CNTNAP5: variants seen among roughly 807,000 people sequenced by gnomAD.
The protein encoded by CNTNAP5 is contactin associated protein family member 5, also known as contactin-associated protein-like 5.
CNTNAP5 carries 72 observed loss-of-function variants against 150.2 expected under a neutral mutation model. That is an observed-to-expected ratio of 0.48 (90% confidence interval 0.40 to 0.58). The LOEUF (loss-of-function observed/expected upper bound fraction) is 0.58, where lower values mean the gene tolerates loss of function less well. Ranked by LOEUF, CNTNAP5 falls within the 20% of genes least tolerant of loss-of-function variation. The pLI, the probability that CNTNAP5 is intolerant of heterozygous loss-of-function variation, is 0.00. For synonymous variants in CNTNAP5, 672 were observed against 619.8 expected (o/e 1.08, Z -1.25); for missense variants, 1,636 against 1,626.2 (o/e 1.01, Z -0.10).
chr2:124,126,130 GT>G, intron 1 of CNTNAP5, among the ~76,000 whole-genome samples: 1 of 152,226 alleles, frequency 6.6e-6, no homozygotes, highest in Non-Finnish European at 1.5e-5. Flanking sequence ...TCAGGAGCTG[GT>G]TTTTTGAAAA....
intron 10 of CNTNAP5, among the ~76,000 whole-genome samples, chr2:124,558,915 C>T (rs539209766): frequency 6.6e-6 from 1 of 152,220 alleles, no homozygotes; most frequent in South Asian, 2.1e-4. Flanking sequence ...ATGTCTGTCT[C>T]TAGTCTACCT....
chr2:124,575,480 A>T (rs769711010), intron 11 of CNTNAP5, among the ~76,000 whole-genome samples: 1 of 152,144 alleles, frequency 6.6e-6, no homozygotes, highest in Non-Finnish European at 1.5e-5. Flanking sequence ...GTATGTGTCC[A>T]CTTTATAGCA....
chr2:124,364,319 T>C (rs62171030), intron 3 of CNTNAP5, among the ~76,000 whole-genome samples: 21,710 of 152,112 alleles, frequency 0.14, 1,543 homozygotes, highest in East Asian at 0.18. Flanking sequence ...CCCTTTTATT[T>C]CCAGACCTCA....
intron 6 of CNTNAP5, among the ~76,000 whole-genome samples, chr2:124,471,927 A>G (rs1413963178): frequency 1.3e-5 from 2 of 152,118 alleles, no homozygotes; most frequent in South Asian, 2.1e-4. Context: ...CAATAAATCA[A>G]CAAAGGAGAT....
intron 13 of CNTNAP5, among the ~76,000 whole-genome samples, chr2:124,669,378 C>T (rs985410586): frequency 6.6e-6 from 1 of 152,198 alleles, no homozygotes; most frequent in Non-Finnish European, 1.5e-5. Context: ...GAAATACTTG[C>T]TTTACTTAAC....
chr2:124,905,953 G>A (rs536512569), intron 22 of CNTNAP5, among the ~76,000 whole-genome samples: 2 of 152,272 alleles, frequency 1.3e-5, no homozygotes, highest in South Asian at 4.1e-4. Context: ...GATTAGTGTG[G>A]GAGATGGGCT....
chr2:124,269,581 G>A (rs188586738), intron 3 of CNTNAP5, among the ~76,000 whole-genome samples: 42 of 152,008 alleles, frequency 2.8e-4, no homozygotes, highest in Middle Eastern at 6.8e-3. Context: ...GATTTTTTTC[G>A]CCTGTAGTCT....
At chr2:124,338,669 C>T (rs1454232625) in intron 3 of CNTNAP5, among the ~76,000 whole-genome samples, 1 of 152,026 alleles carries the variant, frequency 6.6e-6, no homozygotes, top group African/African-American at 2.4e-5. Flanking sequence ...AAAAAATTTC[C>T]TCAGTCAGAT....
At chr2:124,658,794 A>C (rs1678512699) in intron 13 of CNTNAP5, among the ~76,000 whole-genome samples, 1 of 152,214 alleles carries the variant, frequency 6.6e-6, no homozygotes, top group Non-Finnish European at 1.5e-5. Context: ...TACGGGGTAG[A>C]TATGGAAACG....
At chr2:124,273,308 G>C (rs1687803441) in intron 3 of CNTNAP5, among the ~76,000 whole-genome samples, 1 of 152,180 alleles carries the variant, frequency 6.6e-6, no homozygotes, top group Non-Finnish European at 1.5e-5. Flanking sequence ...AAAATTAAAA[G>C]CAATTATCCA....
intron 3 of CNTNAP5, among the ~76,000 whole-genome samples, chr2:124,364,337 C>G (rs1289276957): frequency 1.3e-5 from 2 of 152,200 alleles, no homozygotes; most frequent in African/African-American, 2.4e-5. Flanking sequence ...TCACACTCTG[C>G]AAATGCGTTT....
At chr2:124,318,517 C>T (rs2104666012) in intron 3 of CNTNAP5, among the ~76,000 whole-genome samples, 1 of 152,252 alleles carries the variant, frequency 6.6e-6, no homozygotes, top group South Asian at 2.1e-4. Context: ...GCTCCACAGT[C>T]AGGCTTTATC....
intron 1 of CNTNAP5, among the ~76,000 whole-genome samples, chr2:124,205,226 C>T (rs534169511): frequency 5.3e-5 from 8 of 152,124 alleles, no homozygotes; most frequent in Non-Finnish European, 7.4e-5. Context: ...CCATGCTGTT[C>T]TCATGACAAT....
rs576353570 is a variant in CNTNAP5, at chr2:124,114,280, GTTC to G, written c.82+88554_82+88556del. ...GTCCATCTCTCTCTTCATTTATTTA[GTTC>G]TTCTTGTATATTTCACTCAATGATG... On this transcript the variant is annotated intron_variant, in intron 1 of 23. Transcript: ENST00000682447. 3.6e-3 allele frequency among the ~76,000 whole-genome samples: 552 copies of G among 151,888 alleles called. 1 individual carries two copies. The highest frequency in any genetic ancestry group is 6.1e-3 in the Non-Finnish European group (411 of 67,836).
At chr2:124,390,012 A>G (rs1691069381) in intron 3 of CNTNAP5, among the ~76,000 whole-genome samples, 1 of 151,862 alleles carries the variant, frequency 6.6e-6, no homozygotes, top group Non-Finnish European at 1.5e-5. Flanking sequence ...AATAATTTAA[A>G]CAGCAACAAC....
At chr2:124,267,791 G>GA (rs1451666658) in intron 3 of CNTNAP5, among the ~76,000 whole-genome samples, 1 of 152,154 alleles carries the variant, frequency 6.6e-6, no homozygotes, top group Non-Finnish European at 1.5e-5. Context: ...AGAATTTGGG[G>GA]AAAATGCTCC....
At chr2:124,423,049 G>T (rs749835407) in intron 4 of CNTNAP5, among the ~76,000 whole-genome samples, 4 of 152,154 alleles carry the variant, frequency 2.6e-5, no homozygotes, top group Non-Finnish European at 1.5e-5. Context: ...GAAAACTTGA[G>T]AAGTCAGTAT....
intron 1 of CNTNAP5, among the ~76,000 whole-genome samples, chr2:124,200,542 CT>C (rs1161800872): frequency 2.5e-4 from 38 of 152,136 alleles, no homozygotes; most frequent in African/African-American, 7.7e-4. Flanking sequence ...AAAAAAAACA[CT>C]TAACATGAGA....
At position 124,796,495 on chromosome 2, in the gene CNTNAP5, G is replaced by A. The variant is rs796460557; in HGVS notation, c.2993-1601G>A. On this transcript the variant is annotated intron_variant, in intron 18 of 23. Transcript: ENST00000682447. ...TGTCTGCTGCATATTTTTATAAACAGGAGTACCAAGGTTGTAACCTGCATG... is the reference window on the plus strand; with the variant it reads ...TGTCTGCTGCATATTTTTATAAACAAGAGTACCAAGGTTGTAACCTGCATG... Among the ~76,000 whole-genome samples, 30 of 152,292 alleles carry A rather than the reference G, an allele frequency of 2.0e-4. 1 individual carries two copies. Among genetic ancestry groups the A allele is most frequent in the African/African-American group, 7.0e-4 (29 of 41,556 alleles).
Sources: gnomAD v4.1 joint callset for allele counts (sites outside exome capture counted in the v4.1 genomes callset) on GRCh38, gnomAD v4.1.1 for gene constraint, MANE v1.5 for transcripts, NCBI Gene and HGNC (gene_info 2026-07-23, HGNC 2026-07-21) for gene names.